Variants in CCDC7 observed in about 807,000 individuals in gnomAD.
CCDC7 encodes the protein coiled-coil domain-containing protein 7.
Under a neutral mutation model 196.9 loss-of-function variants are expected in CCDC7, and 183 were observed. The observed-to-expected ratio is 0.93, with a 90% CI of 0.82 to 1.05. The LOEUF (loss-of-function observed/expected upper bound fraction) is 1.05, where lower values mean the gene tolerates loss of function less well. CCDC7 is among the 50% of genes least tolerant of loss of function. CCDC7 has a pLI of 0.00. For synonymous variants in CCDC7, 525 were observed against 484.6 expected, an observed-to-expected ratio of 1.08 and a Z score of -1.10; for missense variants, 1,540 against 1,482.2, an observed-to-expected ratio of 1.04 and a Z score of -0.64.
rs2065292168 is a variant in CCDC7 at position 32,634,338 on chromosome 10, G to T, written c.1886G>T (p.Arg629Ile). ...GTCCAAATAGAACAAATGAAACAAAGAACTTCTAGTATGGAAAGACATGAG... is the reference window on the plus strand; with the variant it reads ...GTCCAAATAGAACAAATGAAACAAATAACTTCTAGTATGGAAAGACATGAG... The change falls in exon 19 of 42, where the codon AGA becomes ATA. Residue 629 changes from arginine (R) to isoleucine (I), a missense_variant. Arg to Ile is a moderately conservative substitution (Grantham distance 97). Coordinates refer to ENST00000639629, the Ensembl canonical transcript of CCDC7. The T allele has an allele frequency of 3.4e-6, 4 of 1,176,392 alleles. No homozygotes were observed. The Admixed American group carries it at 1.3e-4, about 37-fold the overall frequency. The allele number at this position is 1,176,392 out of a possible 1,614,324, so 72.9% of individuals were successfully genotyped here.
chr10:32,670,810 T>A (rs980247886), intron 21 of CCDC7, among the ~76,000 whole-genome samples: 1 of 152,118 alleles, frequency 6.6e-6, no homozygotes, highest in African/African-American at 2.4e-5. Context: ...TCTATTTTGT[T>A]TATTTCTTCC....
rs117983485 is a variant in CCDC7 at position 32,774,500 on chromosome 10, G to T, written c.2906-4477G>T. Among the ~76,000 whole-genome samples the T allele has an allele frequency of 7.3e-3, 1,107 of 152,222 alleles. 7 individuals carry two copies. Among genetic ancestry groups the T allele is most frequent in the South Asian group, 0.018 (88 of 4,820 alleles). On this transcript the variant is annotated intron_variant, in intron 28 of 41. Coordinates refer to ENST00000639629, the Ensembl canonical transcript of CCDC7. ...TGGTGTTAGCCCTGCTTGCAGGAGG[G>T]GGTGACACCCTTAAAAGTGATTATT...
intron 28 of CCDC7, among the ~76,000 whole-genome samples, chr10:32,768,936 T>G (rs1486983056): frequency 6.6e-6 from 1 of 152,158 alleles, no homozygotes; most frequent in Non-Finnish European, 1.5e-5. Flanking sequence ...TGTTGAAGAT[T>G]TTTTCAACTA....
At chr10:32,759,910 C>A (rs1304488675) in intron 28 of CCDC7, among the ~76,000 whole-genome samples, 1 of 151,978 alleles carries the variant, frequency 6.6e-6, no homozygotes. Context: ...AAAAAACAAA[C>A]AACCCCATCA....
intron 9 of CCDC7, among the ~76,000 whole-genome samples, chr10:32,516,170 A>T (rs2047000415): frequency 1.3e-5 from 2 of 152,234 alleles, no homozygotes; most frequent in South Asian, 4.1e-4. Context: ...TCAATAATAA[A>T]AAGATAAATA....
At chr10:32,687,925 A>G (rs1763785) in intron 22 of CCDC7, among the ~76,000 whole-genome samples, 52,107 of 152,026 alleles carry the variant, frequency 0.34, 11,334 homozygotes, top group Non-Finnish European at 0.49. Context: ...CTTAGTGGGG[A>G]GTCCATCAAG....
intron 9 of CCDC7, among the ~76,000 whole-genome samples, chr10:32,515,827 C>T (rs2046942272): frequency 6.6e-6 from 1 of 152,126 alleles, no homozygotes; most frequent in Non-Finnish European, 1.5e-5. Context: ...GCGTGAGCCA[C>T]CGTGCCTGGC....
At chr10:32,757,886 A>G (rs2076741663) in intron 28 of CCDC7, among the ~76,000 whole-genome samples, 1 of 152,242 alleles carries the variant, frequency 6.6e-6, no homozygotes, top group South Asian at 2.1e-4. Context: ...GAGAAGAATC[A>G]AATAGGTGCA....
At chr10:32,675,361 T>C (rs2074766743) in intron 21 of CCDC7, among the ~76,000 whole-genome samples, 1 of 152,176 alleles carries the variant, frequency 6.6e-6, no homozygotes, top group South Asian at 2.1e-4. Flanking sequence ...TTGTTATCTA[T>C]TTTAAATTGT....
chr10:32,552,483 T>A (rs1025524878), intron 13 of CCDC7, among the ~76,000 whole-genome samples: 2 of 152,210 alleles, frequency 1.3e-5, no homozygotes, highest in Non-Finnish European at 2.9e-5. Flanking sequence ...TTGCTTTTGC[T>A]TTTTAACTTG....
chr10:32,699,654 G>C (rs2078317292), intron 24 of CCDC7, among the ~76,000 whole-genome samples: 1 of 149,408 alleles, frequency 6.7e-6, no homozygotes, highest in Non-Finnish European at 1.5e-5. Flanking sequence ...GGTTGAACTA[G>C]TTTACAGTCC....
upstream of CCDC7, among the ~76,000 whole-genome samples, chr10:32,444,850 G>GTTTTTTTTTTTTTT (rs59116319): frequency 7.1e-6 from 1 of 140,272 alleles, no homozygotes; most frequent in Non-Finnish European, 1.6e-5. Flanking sequence ...ATGCCTTCAT[G>GTTTTTTTTTTTTTT]TTTTTTTTTT....
chr10:32,686,601 A>G (rs1391114164), intron 22 of CCDC7, among the ~76,000 whole-genome samples: 4 of 152,196 alleles, frequency 2.6e-5, no homozygotes, highest in Non-Finnish European at 5.9e-5. Flanking sequence ...AATGATTGCA[A>G]TCAGGATTCC....
chr10:32,718,718 A>G (rs973901570), intron 25 of CCDC7, among the ~76,000 whole-genome samples: 10 of 152,176 alleles, frequency 6.6e-5, no homozygotes, highest in African/African-American at 2.2e-4. Flanking sequence ...AAGCATTCCT[A>G]TACACCAATA....
chr10:32,786,577 A>G (rs1000716300), intron 29 of CCDC7, among the ~76,000 whole-genome samples: 6 of 152,200 alleles, frequency 3.9e-5, no homozygotes, highest in African/African-American at 1.2e-4. Context: ...CCTGGCCAAC[A>G]TGGCGAAACT....
chr10:32,562,154 A>G (rs2055814032), intron 13 of CCDC7, among the ~76,000 whole-genome samples: 1 of 152,216 alleles, frequency 6.6e-6, no homozygotes, highest in African/African-American at 2.4e-5. Context: ...TTGTGGCAAT[A>G]ATCAATAGCT....
At chr10:32,488,813 ACTT>A (rs1298149945) in intron 8 of CCDC7, among the ~76,000 whole-genome samples, 12 of 152,168 alleles carry the variant, frequency 7.9e-5, no homozygotes, top group Admixed American at 7.8e-4. Context: ...TGATAGAGTC[ACTT>A]CTTCTAGACT....
chr10:32,698,131 A>C (rs1428828097), intron 24 of CCDC7, among the ~76,000 whole-genome samples: 1 of 152,194 alleles, frequency 6.6e-6, no homozygotes, highest in Non-Finnish European at 1.5e-5. Flanking sequence ...TTAGAAGAAA[A>C]ACTAACAGAA....
intron 13 of CCDC7, among the ~76,000 whole-genome samples, chr10:32,545,596 A>G (rs1283793055): frequency 6.6e-6 from 1 of 152,206 alleles, no homozygotes; most frequent in East Asian, 1.9e-4. Context: ...CAAAGGGTAC[A>G]CAATACCTGT....
Sources: allele counts gnomAD v4.1 joint callset (sites outside exome capture counted in the v4.1 genomes callset), GRCh38; gene constraint gnomAD v4.1.1; transcripts MANE v1.5; gene names NCBI Gene and HGNC (gene_info 2026-07-23, HGNC 2026-07-21).